Variants in DLGAP1 observed in about 807,000 individuals in gnomAD.
DLGAP1 encodes DLG associated protein 1, also known as disks large-associated protein 1.
In DLGAP1, 11 loss-of-function variants were observed where a neutral mutation model predicts 90.8. That is an observed-to-expected ratio of 0.12 (90% CI 0.08 to 0.20). The LOEUF (loss-of-function observed/expected upper bound fraction) is 0.20. Ranked by LOEUF, DLGAP1 falls within the 10% of genes least tolerant of loss-of-function variation. The pLI, the probability that DLGAP1 is intolerant of heterozygous loss-of-function variation, is 1.00. For missense variants in DLGAP1, 1,050 were observed against 1,333.8 expected (o/e 0.79, Z 3.31); for synonymous variants, 558 against 540.7 (o/e 1.03, Z -0.44).
chr18:3,974,225 C>G (rs2073520937), intron 3 of DLGAP1, among the ~76,000 whole-genome samples: 2 of 152,066 alleles, frequency 1.3e-5, no homozygotes, highest in Non-Finnish European at 2.9e-5. Context: ...CAGGTGCCCA[C>G]CACGACACCT....
chr18:4,160,658 C>T (rs1455332922), intron 1 of DLGAP1, among the ~76,000 whole-genome samples: 1 of 152,138 alleles, frequency 6.6e-6, no homozygotes, highest in South Asian at 2.1e-4. Flanking sequence ...AAATATTACA[C>T]CTGTAAGTGG....
intron 2 of DLGAP1, among the ~76,000 whole-genome samples, chr18:4,069,229 A>G (rs1295007490): frequency 6.6e-6 from 1 of 152,198 alleles, no homozygotes; most frequent in African/African-American, 2.4e-5. Context: ...TATTCAAAGC[A>G]CTTGGTTCAT....
intron 1 of DLGAP1, among the ~76,000 whole-genome samples, chr18:4,324,317 A>G (rs1229821780): frequency 6.6e-6 from 1 of 151,002 alleles, no homozygotes; most frequent in African/African-American, 2.4e-5. Context: ...CTGAACCATG[A>G]AAAAATTGAA....
chr18:3,781,659 C>T (rs1478490651), intron 5 of DLGAP1, among the ~76,000 whole-genome samples: 3 of 152,078 alleles, frequency 2.0e-5, no homozygotes, highest in Non-Finnish European at 4.4e-5. Context: ...CAATTTTGTA[C>T]CTTGTGTGTA....
rs551655548 is a variant in DLGAP1, at chr18:3,969,497, G to A, written c.-73+35619C>T. On this transcript the variant is annotated intron_variant, in intron 3 of 12. Transcript: ENST00000315677. ...TAAAGAGAAAAGGGTGCTTGTTCTC[G>A]AAACAAAATAGATATACACAGAAAG... Among the ~76,000 whole-genome samples, 15 of 152,184 alleles carry A rather than the reference G, an allele frequency of 9.9e-5. No homozygotes were observed. The South Asian group carries it at 3.1e-3, about 32-fold the overall frequency.
At chr18:3,750,916 T>C (rs1416156321) in intron 5 of DLGAP1, among the ~76,000 whole-genome samples, 2 of 152,200 alleles carry the variant, frequency 1.3e-5, no homozygotes, top group Non-Finnish European at 1.5e-5. Flanking sequence ...TCATTTCCCT[T>C]CAGAAGGCCT....
At chr18:3,785,049 C>A (rs894228331) in intron 5 of DLGAP1, among the ~76,000 whole-genome samples, 43 of 152,108 alleles carry the variant, frequency 2.8e-4, no homozygotes, top group Admixed American at 2.7e-3. Context: ...TGACTGCTTC[C>A]CTTCTCATAT....
intron 7 of DLGAP1, among the ~76,000 whole-genome samples, chr18:3,650,921 C>T (rs2059276668): frequency 6.7e-6 from 1 of 149,572 alleles, no homozygotes; most frequent in African/African-American, 2.5e-5. Flanking sequence ...CAAAAATTAG[C>T]TGGGTGTGGT....
At chr18:4,033,940 T>C (rs144086388) in intron 2 of DLGAP1, among the ~76,000 whole-genome samples, 1,710 of 151,796 alleles carry the variant, frequency 0.011, 36 homozygotes, top group African/African-American at 0.038. Flanking sequence ...GGTTTCACTG[T>C]GTTAGCCAGG....
At position 3,664,183 on chromosome 18, in the gene DLGAP1, T is replaced by TACACACACACACACACACACAC. The variant is rs35653599; in HGVS notation, c.1591+64930_1591+64951dup. 2.2e-5 allele frequency among the ~76,000 whole-genome samples: 3 copies of TACACACACACACACACACACAC among 135,740 alleles called. No individual in the cohort carries two copies. In the East Asian group the frequency reaches 6.4e-4, roughly 29 times the overall value. The allele number at this position is 135,740 out of a possible 152,430, so 89.1% of individuals were successfully genotyped here. On this transcript the variant is annotated intron_variant, in intron 7 of 12. Transcript: ENST00000315677. ...CAGCCTCCATAATTATGGGTCAGTA[T>TACACACACACACACACACACAC]ACACACACACACACACACACACACA...
intron 1 of DLGAP1, among the ~76,000 whole-genome samples, chr18:4,427,564 G>C (rs1270749710): frequency 6.6e-6 from 1 of 152,152 alleles, no homozygotes; most frequent in Non-Finnish European, 1.5e-5. Flanking sequence ...CTGAAATTTA[G>C]ATTGAGTCCC....
intron 4 of DLGAP1, among the ~76,000 whole-genome samples, chr18:3,826,073 G>T (rs776427097): frequency 6.6e-6 from 1 of 152,132 alleles, no homozygotes; most frequent in African/African-American, 2.4e-5. Context: ...GGAGCTAAAC[G>T]ATGACTACAC....
intron 7 of DLGAP1, among the ~76,000 whole-genome samples, chr18:3,600,728 A>C (rs1318878456): frequency 1.9e-5 from 1 of 51,422 alleles, no homozygotes; most frequent in East Asian, 4.3e-4. Context: ...ATAGAGATAT[A>C]GATATATATA....
At chr18:3,830,986 C>T (rs988906132) in intron 4 of DLGAP1, among the ~76,000 whole-genome samples, 6 of 152,230 alleles carry the variant, frequency 3.9e-5, no homozygotes, top group African/African-American at 7.2e-5. Flanking sequence ...CACCTTTCAT[C>T]CCAGATTTTC....
chr18:4,390,173 A>AT (rs1241584702), intron 1 of DLGAP1, among the ~76,000 whole-genome samples: 3 of 151,396 alleles, frequency 2.0e-5, no homozygotes, highest in Non-Finnish European at 4.4e-5. Context: ...TGTGAAAAAA[A>AT]AAAAGATGTA....
At chr18:3,762,433 T>C (rs1270381909) in intron 5 of DLGAP1, among the ~76,000 whole-genome samples, 2 of 152,234 alleles carry the variant, frequency 1.3e-5, no homozygotes, top group East Asian at 3.8e-4. Context: ...AATGTGTTTC[T>C]TTCAATTTTG....
At chr18:4,320,421 CAT>C (rs1232481734) in intron 1 of DLGAP1, among the ~76,000 whole-genome samples, 2 of 152,036 alleles carry the variant, frequency 1.3e-5, no homozygotes, top group African/African-American at 2.4e-5. Flanking sequence ...TATATTCTGT[CAT>C]TGTCTCATGA....
At chr18:4,453,079 T>C (rs1425677676) in intron 1 of DLGAP1, among the ~76,000 whole-genome samples, 2 of 152,182 alleles carry the variant, frequency 1.3e-5, no homozygotes, top group African/African-American at 4.8e-5. Flanking sequence ...TTAAGTAAAT[T>C]AGTTTTTTAA....
At chr18:4,021,465 C>T (rs187208076) in intron 2 of DLGAP1, among the ~76,000 whole-genome samples, 51 of 152,292 alleles carry the variant, frequency 3.3e-4, no homozygotes, top group African/African-American at 1.2e-3. Flanking sequence ...TGAGTAAAGG[C>T]TCCCTGAGGT....
Sources: gnomAD v4.1 joint callset for allele counts (sites outside exome capture counted in the v4.1 genomes callset) on GRCh38, gnomAD v4.1.1 for gene constraint, MANE v1.5 for transcripts, NCBI Gene and HGNC (gene_info 2026-07-23, HGNC 2026-07-21) for gene names.